Variants in CYP2C19 observed in about 807,000 individuals in gnomAD.
CYP2C19 encodes the protein cytochrome P450 2C19.
In CYP2C19, 59 loss-of-function variants were observed where a neutral mutation model predicts 40.9. The observed-to-expected ratio is 1.44, with a 90% CI of 1.17 to 1.79. CYP2C19 has a LOEUF of 1.79. Ranked by LOEUF, CYP2C19 falls within the 40% of genes most tolerant of loss-of-function variation. CYP2C19 has a pLI of 0.00. For missense variants in CYP2C19, 754 were observed against 596.9 expected, an observed-to-expected ratio of 1.26 and a Z score of -2.74; for synonymous variants, 253 against 208.7, an observed-to-expected ratio of 1.21 and a Z score of -1.83.
intron 6 of CYP2C19, among the ~76,000 whole-genome samples, chr10:94,838,045 A>G (rs1286415495): frequency 6.6e-6 from 1 of 152,150 alleles, no homozygotes; most frequent in Non-Finnish European, 1.5e-5. Context: ...CTTGCCTGGT[A>G]TGCTTCCTCA....
At chr10:94,792,384 G>C (rs1446803500) in intron 5 of CYP2C19, among the ~76,000 whole-genome samples, 1 of 152,056 alleles carries the variant, frequency 6.6e-6, no homozygotes, top group Non-Finnish European at 1.5e-5. Context: ...CTGTGAATTT[G>C]ATCCTGTCAT....
intron 4 of CYP2C19, among the ~76,000 whole-genome samples, chr10:94,781,538 G>C (rs773907495): frequency 5.9e-5 from 9 of 152,014 alleles, no homozygotes; most frequent in Admixed American, 2.0e-4. Context: ...GAGAAGAATT[G>C]TTGTAAAAAG....
chr10:94,845,972 A>G (rs1479498667), intron 7 of CYP2C19, among the ~76,000 whole-genome samples: 1 of 152,146 alleles, frequency 6.6e-6, no homozygotes, highest in Admixed American at 6.6e-5. Flanking sequence ...TCAATACTGC[A>G]GTATATGTAG....
At chr10:94,783,483 T>C (rs1848503952) in intron 5 of CYP2C19, among the ~76,000 whole-genome samples, 1 of 152,158 alleles carries the variant, frequency 6.6e-6, no homozygotes, top group Admixed American at 6.5e-5. Context: ...GAATTTGGTA[T>C]CTATCAGATA....
chr10:94,812,095 G>C (rs994862660), intron 5 of CYP2C19, among the ~76,000 whole-genome samples: 1 of 152,140 alleles, frequency 6.6e-6, no homozygotes, highest in East Asian at 1.9e-4. Context: ...CTCAGCATTT[G>C]CTTGTCTGTA....
intron 5 of CYP2C19, among the ~76,000 whole-genome samples, chr10:94,808,128 C>T (rs745711590): frequency 1.3e-5 from 2 of 152,038 alleles, no homozygotes; most frequent in Non-Finnish European, 2.9e-5. Context: ...AAAGACTGTT[C>T]TTTCATCAGT....
Position 94,852,884 on chromosome 10 carries a change from CT to C in CYP2C19, c.1445del (p.Phe482SerfsTer52). On this transcript the variant is annotated frameshift_variant, in exon 9 of 9. Coordinates refer to ENST00000371321, the MANE Select transcript of CYP2C19 (RefSeq NM_000769.4). LOFTEE classifies it high-confidence loss of function. ...VVNGFASVPP[F>X]YQLCFIPV ...TCAATGGATTTGCTTCTGTCCCGCC[CT>C]TCTATCAGCTGTGCTTCATTCCTGT... 5.0e-6 allele frequency: 8 copies of C among 1,614,036 alleles called. No homozygotes were observed. Among genetic ancestry groups the C allele is most frequent in the Non-Finnish European group, 6.8e-6 (8 of 1,179,948 alleles).
chr10:94,842,393 G>GTTTT (rs57865512), intron 6 of CYP2C19, among the ~76,000 whole-genome samples: 1 of 86,908 alleles, frequency 1.2e-5, no homozygotes, highest in African/African-American at 4.5e-5. Context: ...TTTAAGTGAA[G>GTTTT]TTTTTTTTTT....
intron 5 of CYP2C19, among the ~76,000 whole-genome samples, chr10:94,782,582 C>A (rs1466639131): frequency 1.3e-5 from 2 of 152,074 alleles, no homozygotes; most frequent in Non-Finnish European, 2.9e-5. Flanking sequence ...ACTAGAAATA[C>A]CATTTGACCC....
chr10:94,842,393 GTT>G (rs57865512), intron 6 of CYP2C19, among the ~76,000 whole-genome samples: 1,060 of 86,898 alleles, frequency 0.012, 4 homozygotes, highest in African/African-American at 0.021. Context: ...TTTAAGTGAA[GTT>G]TTTTTTTTTT....
chr10:94,826,578 T>C lies in CYP2C19; in HGVS notation c.961+5941T>C, dbSNP rs539397405. 1.3e-3 allele frequency among the ~76,000 whole-genome samples: 205 copies of C among 152,332 alleles called. 1 individual carries two copies. The South Asian group carries it at 0.019, about 14-fold the overall frequency. On this transcript the variant is annotated intron_variant, in intron 6 of 8. Transcript: ENST00000371321. Reference sequence around the variant, plus strand: ...TTTGGGCTGAGATGATGGGGTTTTCTAGATATACAATCATGTCATCTGTAA... The same window carrying C: ...TTTGGGCTGAGATGATGGGGTTTTCCAGATATACAATCATGTCATCTGTAA...
At chr10:94,811,681 C>G (rs1343632062) in intron 5 of CYP2C19, among the ~76,000 whole-genome samples, 1 of 151,902 alleles carries the variant, frequency 6.6e-6, no homozygotes, top group Non-Finnish European at 1.5e-5. Flanking sequence ...TGTGTTTTAT[C>G]AGAGACTAGG....
intron 5 of CYP2C19, among the ~76,000 whole-genome samples, chr10:94,796,654 G>A (rs778281658): frequency 6.3e-4 from 96 of 152,036 alleles, no homozygotes; most frequent in Non-Finnish European, 1.1e-3. Context: ...ATTAGTTTGT[G>A]TCCTGTTTTA....
intron 3 of CYP2C19, among the ~76,000 whole-genome samples, chr10:94,779,267 G>A (rs547606462): frequency 1.3e-5 from 2 of 152,160 alleles, no homozygotes; most frequent in East Asian, 1.9e-4. Context: ...ACGTGTCCCA[G>A]AACTTAAAGT....
In CYP2C19 at chr10:94,852,961, C is replaced by T; in HGVS notation, c.*47C>T. 6.3e-7 allele frequency: 1 copy of T among 1,592,784 alleles called. No individual in the cohort carries two copies. The highest frequency in any genetic ancestry group is 8.6e-7 in the Non-Finnish European group (1 of 1,164,870). On this transcript the variant is annotated 3_prime_UTR_variant, in exon 9 of 9. Coordinates refer to ENST00000371321, the MANE Select transcript of CYP2C19 (RefSeq NM_000769.4). ...GCTCCTGTGCTGTCCCTGCAGCTCT[C>T]TTTCCTCTGGTCCAAATTTCACTAT...
Position 94,852,806 on chromosome 10 carries a change from C to T in CYP2C19, c.1365C>T (p.Asn455=), listed in dbSNP as rs760950193. The T allele has an allele frequency of 1.2e-6, 2 of 1,614,096 alleles. No homozygotes were observed. The highest frequency in any genetic ancestry group is 1.7e-6 in the Non-Finnish European group (2 of 1,179,984). The change falls in exon 9 of 9, where the codon AAC becomes AAT. Residue 455 remains asparagine, a synonymous_variant. Transcript: ENST00000371321. ...LFLFLTFILQ[N]FNLKSLIDPK... is the part of the protein sequence containing the mutation. Reference sequence around the variant, plus strand: ...TATTCCTGACCTTCATTTTACAGAACTTTAACCTGAAATCTCTGATTGACC... The same window carrying T: ...TATTCCTGACCTTCATTTTACAGAATTTTAACCTGAAATCTCTGATTGACC...
intron 6 of CYP2C19, among the ~76,000 whole-genome samples, chr10:94,837,664 T>C (rs1849425304): frequency 6.6e-6 from 1 of 152,144 alleles, no homozygotes; most frequent in Non-Finnish European, 1.5e-5. Flanking sequence ...GGAGGACAGT[T>C]GTCCGAGACA....
chr10:94,767,189 G>A (rs1166554044), intron 1 of CYP2C19, among the ~76,000 whole-genome samples: 3 of 152,102 alleles, frequency 2.0e-5, no homozygotes, highest in Non-Finnish European at 4.4e-5. Flanking sequence ...GTAGGCCATG[G>A]GAAATGAGAT....
intron 6 of CYP2C19, among the ~76,000 whole-genome samples, chr10:94,836,068 A>T (rs1849399000): frequency 6.6e-6 from 1 of 152,230 alleles, no homozygotes; most frequent in Non-Finnish European, 1.5e-5. Context: ...ATTTGGAAGA[A>T]ATGTGGCTCA....
Sources: allele counts gnomAD v4.1 joint callset (sites outside exome capture counted in the v4.1 genomes callset), GRCh38; gene constraint gnomAD v4.1.1; transcripts MANE v1.5; gene names NCBI Gene and HGNC (gene_info 2026-07-23, HGNC 2026-07-21).